P2RY12: variants seen among roughly 807,000 people sequenced by gnomAD.
P2RY12 encodes the protein P2Y purinoceptor 12.
P2RY12 carries 3 observed loss-of-function variants against 4.5 expected under a neutral mutation model. The ratio of observed to expected loss-of-function variants is 0.67; its 90% CI spans 0.31 to 1.74. The LOEUF (loss-of-function observed/expected upper bound fraction) is 1.74, where lower values mean the gene tolerates loss of function less well. P2RY12 is among the 40% of genes most tolerant of loss of function. The pLI, the probability that P2RY12 is intolerant of heterozygous loss-of-function variation, is 0.09. For missense variants in P2RY12, 356 were observed against 407.8 expected (o/e 0.87, Z 1.09); for synonymous variants, 148 against 154.1 (o/e 0.96, Z 0.29).
chr3:151,354,662 C>T (rs2150045158), intron 1 of P2RY12, among the ~76,000 whole-genome samples: 1 of 152,242 alleles, frequency 6.6e-6, no homozygotes, highest in Non-Finnish European at 1.5e-5. Flanking sequence ...CTGGAAACTA[C>T]TCACTAGAAT....
chr3:151,368,586 ATT>A (rs1295459593), intron 1 of P2RY12, among the ~76,000 whole-genome samples: 1 of 120,732 alleles, frequency 8.3e-6, no homozygotes, highest in Non-Finnish European at 1.8e-5. Flanking sequence ...GGCAATGGTG[ATT>A]TATTTTATTT....
intron 1 of P2RY12, among the ~76,000 whole-genome samples, chr3:151,359,835 G>A (rs1754389296): frequency 6.6e-6 from 1 of 152,144 alleles, no homozygotes; most frequent in African/African-American, 2.4e-5. Context: ...CAGCTGTGGT[G>A]TATGGACTTC....
At chr3:151,356,523 A>AT (rs1401168954) in intron 1 of P2RY12, among the ~76,000 whole-genome samples, 2 of 152,172 alleles carry the variant, frequency 1.3e-5, no homozygotes, top group Non-Finnish European at 2.9e-5. Flanking sequence ...TTAAACTAAC[A>AT]TTTTATTTAA....
In P2RY12 at chr3:151,343,202, A is replaced by C. The variant is rs1287769713; in HGVS notation, c.-179-2442T>G. Among the ~76,000 whole-genome samples the C allele has an allele frequency of 5.9e-5, 9 of 152,198 alleles. No homozygotes were observed. The East Asian group carries it at 1.7e-3, about 29-fold the overall frequency. ...AAATTGTAAATGCTAAAGGATGTTT[A>C]TGATGCTTTTTCTAAGACCATCAAA... On this transcript the variant is annotated intron_variant, in intron 1 of 2. Coordinates refer to ENST00000302632, the MANE Select transcript of P2RY12 (RefSeq NM_022788.5).
chr3:151,381,163 T>G (rs1712266907), intron 1 of P2RY12, among the ~76,000 whole-genome samples: 1 of 152,202 alleles, frequency 6.6e-6, no homozygotes, highest in Non-Finnish European at 1.5e-5. Flanking sequence ...TGTTTTATCC[T>G]GATACACAGC....
intron 1 of P2RY12, among the ~76,000 whole-genome samples, chr3:151,368,638 T>G (rs1755662418): frequency 1.8e-5 from 1 of 55,832 alleles, no homozygotes; most frequent in Non-Finnish European, 3.6e-5. Flanking sequence ...TTATTTCATT[T>G]CATTTCATTT....
In P2RY12 at chr3:151,373,870, C is replaced by T. The variant is rs940040132; in HGVS notation, c.-180+10822G>A. Among the ~76,000 whole-genome samples the T allele has an allele frequency of 2.6e-5, 4 of 152,230 alleles. No individual in the cohort carries two copies. The East Asian group carries it at 5.8e-4, about 22-fold the overall frequency. The stretch of plus-strand genomic sequence containing the variant: ...GCCCTTGGTTCTATTTAGCAGAGAA[C>T]GTTACTGAGAAACCAAGATCTGGGT... On this transcript the variant is annotated intron_variant, in intron 1 of 2. Transcript: ENST00000302632.
chr3:151,364,830 A>G, intron 1 of P2RY12: 1 of 608,730 alleles, frequency 1.6e-6, no homozygotes, highest in Non-Finnish European at 2.9e-6. Flanking sequence ...AGCGCCAATT[A>G]GTAAGAAGTT....
At chr3:151,349,584 C>T (rs901632969) in intron 1 of P2RY12, among the ~76,000 whole-genome samples, 5 of 147,464 alleles carry the variant, frequency 3.4e-5, no homozygotes, top group African/African-American at 1.3e-4. Flanking sequence ...GCACCCTGTC[C>T]AGGAATATTT....
intron 1 of P2RY12, among the ~76,000 whole-genome samples, chr3:151,368,542 T>A (rs1254462358): frequency 1.3e-5 from 2 of 152,072 alleles, no homozygotes; most frequent in Admixed American, 1.3e-4. Context: ...ACGTACTGTG[T>A]GTGTTGGTTC....
chr3:151,355,964 T>C, intron 1 of P2RY12: 3 of 1,614,140 alleles, frequency 1.9e-6, no homozygotes, highest in Non-Finnish European at 2.5e-6. Flanking sequence ...TCCCTTTGGC[T>C]CACCACATTC....
intron 1 of P2RY12, chr3:151,377,240 G>A (rs1301794984): frequency 7.4e-7 from 1 of 1,344,796 alleles, no homozygotes; most frequent in Non-Finnish European, 1.0e-6. Flanking sequence ...GGTAAATTTT[G>A]TGTAGCACAG....
intron 1 of P2RY12, among the ~76,000 whole-genome samples, chr3:151,356,989 G>T (rs1168822820): frequency 2.0e-5 from 3 of 152,078 alleles, no homozygotes; most frequent in Non-Finnish European, 4.4e-5. Context: ...TGAAGTTTCA[G>T]TACCTTATTT....
chr3:151,341,569 T>TC lies in P2RY12; in HGVS notation c.-179-810_-179-809insG. On this transcript the variant is annotated intron_variant, in intron 1 of 2. Coordinates refer to ENST00000302632, the MANE Select transcript of P2RY12 (RefSeq NM_022788.5). ...GCAAAGTGTTTTGCTGCTTTAACTT[T>TC]TTTTTTTTAATTTTATTATTATTAT... Among the ~76,000 whole-genome samples, 3 of 151,136 alleles carry TC rather than the reference T, an allele frequency of 2.0e-5. No homozygotes were observed. The South Asian group carries it at 6.3e-4, about 32-fold the overall frequency.
intron 1 of P2RY12, among the ~76,000 whole-genome samples, chr3:151,346,909 A>G (rs908313200): frequency 6.6e-6 from 1 of 152,170 alleles, no homozygotes; most frequent in Non-Finnish European, 1.5e-5. Context: ...CCCTGCTGTT[A>G]TAATGTATTA....
At chr3:151,355,357 C>A in intron 1 of P2RY12, 2 of 644,248 alleles carry the variant, frequency 3.1e-6, no homozygotes, top group Non-Finnish European at 5.4e-6. Flanking sequence ...TATAAACATA[C>A]TTGGAAGTAT....
At chr3:151,366,695 T>C (rs1409077167) in intron 1 of P2RY12, among the ~76,000 whole-genome samples, 1 of 152,188 alleles carries the variant, frequency 6.6e-6, no homozygotes, top group African/African-American at 2.4e-5. Flanking sequence ...CAGTTGAAGG[T>C]TGACTTCTGA....
intron 1 of P2RY12, chr3:151,367,891 A>G (rs1011237343): frequency 2.7e-6 from 3 of 1,120,406 alleles, no homozygotes; most frequent in South Asian, 1.6e-5. Flanking sequence ...TGTAGTATCA[A>G]GGTAGATATG....
chr3:151,354,140 CAAAAAAAAAAA>C (rs63033360), intron 1 of P2RY12, among the ~76,000 whole-genome samples: 1 of 62,846 alleles, frequency 1.6e-5, no homozygotes, highest in Non-Finnish European at 2.7e-5. Context: ...GACTCCGTCT[CAAAAAAAAAAA>C]AAAAAAAAAA....
Sources: allele counts gnomAD v4.1 joint callset (sites outside exome capture counted in the v4.1 genomes callset), GRCh38; gene constraint gnomAD v4.1.1; transcripts MANE v1.5; gene names NCBI Gene and HGNC (gene_info 2026-07-23, HGNC 2026-07-21).